The following CCDC88A variants were observed in gnomAD, a reference collection of about 807,000 sequenced individuals.
CCDC88A encodes the protein coiled-coil and HOOK domain protein 88A, also known as girdin.
A neutral mutation model predicts 234.3 loss-of-function variants in CCDC88A; 54 were observed. The observed-to-expected ratio is 0.23, with a 90% confidence interval of 0.19 to 0.29. The LOEUF is 0.29. Ranked by LOEUF, CCDC88A falls within the 10% of genes least tolerant of loss-of-function variation. The probability of loss-of-function intolerance (pLI) is 1.00; values close to 1 mark genes in which losing one functional copy is unlikely to be tolerated. For synonymous variants in CCDC88A, 753 were observed against 737.8 expected (o/e 1.02, Z -0.33); for missense variants, 1,832 against 2,123.4 (o/e 0.86, Z 2.70).
rs1223133669 is a variant in CCDC88A at position 55,287,887 on chromosome 2, T to TTGA, written c.*3310_*3312dup. On this transcript the variant is annotated 3_prime_UTR_variant, in exon 33 of 33. Transcript: ENST00000436346. Reference sequence around the variant, plus strand: ...TGGTTTTATTTCTTTTTATATTAGTTTGATACGTGAATGTTAGTCCAACTT... The same window carrying TTGA: ...TGGTTTTATTTCTTTTTATATTAGTTTGATGATACGTGAATGTTAGTCCAACTT... The TTGA allele has an allele frequency of 6.6e-6, 1 of 152,524 alleles. No homozygotes were observed. Among genetic ancestry groups the TTGA allele is most frequent in the Non-Finnish European group, 1.5e-5 (1 of 68,040 alleles). 9.4% of individuals were successfully genotyped at this position (152,524 alleles called of 1,614,324 possible).
Position 55,328,198 on chromosome 2 carries a change from A to G in CCDC88A, c.2997+96T>C. ...AGGAAGAAATAGACTAAATATCAAT[A>G]AAATGTTTATATTTTTATTTTCTAC... On this transcript the variant is annotated intron_variant, in intron 17 of 32. Transcript: ENST00000436346. This position sits in a 1 kb window ranked among gnomAD's most constrained non-coding sequence, Gnocchi z 4.3. 1 of 967,464 alleles carries G rather than the reference A, an allele frequency of 1.0e-6. No homozygotes were observed. Among genetic ancestry groups the G allele is most frequent in the South Asian group, 1.7e-5 (1 of 59,468 alleles). 59.9% of individuals were successfully genotyped at this position (967,464 alleles called of 1,614,324 possible). A position where few individuals can be genotyped will look rare whatever the true frequency, so the allele number is the denominator to read the frequency against.
rs769364769 is a variant in CCDC88A, at chr2:55,299,925, T to G, written c.4745-6A>C. ...AAGGCTGGCTGGTCTTGAAGCTAAA[T>G]GAAAAAACCAGGAGACAGTGTGATA... On this transcript the variant is annotated splice_region_variant and splice_polypyrimidine_tract_variant and intron_variant, in intron 28 of 32. Coordinates refer to ENST00000436346, the MANE Select transcript of CCDC88A (RefSeq NM_001365480.1). 6.2e-7 allele frequency: 1 copy of G among 1,607,744 alleles called. No individual in the cohort carries two copies. The highest frequency in any genetic ancestry group is 8.5e-7 in the Non-Finnish European group (1 of 1,174,758).
At chr2:55,293,724 T>C (rs1438709862) in intron 31 of CCDC88A, 2 of 152,048 alleles carry the variant, frequency 1.3e-5, no homozygotes, top group African/African-American at 4.8e-5. Flanking sequence ...TAAATCCAAA[T>C]GGCAAAAAAC....
chr2:55,355,486 C>A, intron 8 of CCDC88A, 93 bp downstream of exon 8: 1 of 1,082,206 alleles, frequency 9.2e-7, no homozygotes, highest in Non-Finnish European at 1.4e-6. Flanking sequence ...AACACTGACA[C>A]AAGCTAGCAA....
At chr2:55,402,897 T>C (rs1321512821) in intron 2 of CCDC88A, among the ~76,000 whole-genome samples, 1 of 151,794 alleles carries the variant, frequency 6.6e-6, no homozygotes, top group Non-Finnish European at 1.5e-5. Flanking sequence ...TAGTCCCAGT[T>C]ACTAGGGAGG....
At chr2:55,389,814 G>A (rs1316142485) in intron 2 of CCDC88A, among the ~76,000 whole-genome samples, 2 of 151,854 alleles carry the variant, frequency 1.3e-5, no homozygotes, top group Non-Finnish European at 2.9e-5. Flanking sequence ...GCCCAGGCTG[G>A]TGGATCACCT....
intron 8 of CCDC88A, among the ~76,000 whole-genome samples, chr2:55,354,425 C>T (rs1441092447): frequency 6.6e-6 from 1 of 152,116 alleles, no homozygotes; most frequent in African/African-American, 2.4e-5. Flanking sequence ...GCCACTGCAC[C>T]AGCCATGTTT....
chr2:55,303,604 C>T lies in CCDC88A; in HGVS notation c.4388-452G>A, dbSNP rs182267573. 7.2e-3 allele frequency among the ~76,000 whole-genome samples: 1,098 copies of T among 152,240 alleles called. 20 individuals are homozygous for T. Among genetic ancestry groups the T allele is most frequent in the African/African-American group, 0.025 (1,042 of 41,530 alleles). On this transcript the variant is annotated intron_variant, in intron 25 of 32. Transcript: ENST00000436346. ...CCATGTTGGTCAGGCTGGTCTCGCA[C>T]TCCCAACCTCAGGTGATCCGCCCAC...
intron 29 of CCDC88A, among the ~76,000 whole-genome samples, chr2:55,297,399 A>AT (rs1680314338): frequency 4.5e-5 from 1 of 22,020 alleles, no homozygotes; most frequent in African/African-American, 8.5e-5. Context: ...ATTATATATA[A>AT]ATATACATAT....
intron 31 of CCDC88A, 66 bp downstream of exon 31, chr2:55,295,531 A>C (rs1164151961): frequency 6.2e-7 from 1 of 1,613,572 alleles, no homozygotes; most frequent in Non-Finnish European, 8.5e-7. Flanking sequence ...TTTTGGGCAC[A>C]AGAACCTATA....
chr2:55,408,425 A>G (rs947591377), intron 2 of CCDC88A, among the ~76,000 whole-genome samples: 3 of 152,112 alleles, frequency 2.0e-5, no homozygotes, highest in East Asian at 1.9e-4. Flanking sequence ...AGGTTGAGAT[A>G]AGAGGTTGGC....
intron 5 of CCDC88A, among the ~76,000 whole-genome samples, chr2:55,366,261 C>T (rs1316899970): frequency 6.6e-6 from 1 of 152,094 alleles, no homozygotes; most frequent in African/African-American, 2.4e-5. Flanking sequence ...CGTGATGGCT[C>T]AAGCCTGTAA....
At chr2:55,326,900 AAC>A (rs1290361075) in intron 17 of CCDC88A, among the ~76,000 whole-genome samples, 1 of 152,184 alleles carries the variant, frequency 6.6e-6, no homozygotes, top group African/African-American at 2.4e-5. Context: ...ATCTACTTGA[AAC>A]ACACGTATGC....
chr2:55,361,334 G>C (rs775858353), intron 7 of CCDC88A, among the ~76,000 whole-genome samples: 1 of 152,098 alleles, frequency 6.6e-6, no homozygotes, highest in Non-Finnish European at 1.5e-5. Context: ...ATGCATAGTA[G>C]GAATGTTTTC....
intron 25 of CCDC88A, among the ~76,000 whole-genome samples, chr2:55,304,950 TAGAG>T (rs1361289625): frequency 1.3e-5 from 2 of 152,242 alleles, no homozygotes; most frequent in African/African-American, 2.4e-5. Flanking sequence ...TATCATTTAT[TAGAG>T]AGAGTGCAAT....
chr2:55,322,223 C>A (rs1054173996), intron 18 of CCDC88A, among the ~76,000 whole-genome samples: 2 of 152,036 alleles, frequency 1.3e-5, no homozygotes, highest in African/African-American at 4.8e-5. Flanking sequence ...AGCAGTGGAA[C>A]AATAGTGAAT....
chr2:55,302,487 G>C (rs1204566106), intron 26 of CCDC88A, among the ~76,000 whole-genome samples: 2 of 152,074 alleles, frequency 1.3e-5, no homozygotes, highest in East Asian at 3.8e-4. Context: ...GGTCAGAGCA[G>C]GTTACTGAAG....
intron 10 of CCDC88A, chr2:55,345,581 G>C (rs1669006034): frequency 6.6e-6 from 1 of 152,382 alleles, no homozygotes; most frequent in African/African-American, 2.4e-5. Context: ...ATTTTTAATA[G>C]AGACGGGGTT....
At chr2:55,395,277 G>A (rs1677340299) in intron 2 of CCDC88A, among the ~76,000 whole-genome samples, 1 of 152,142 alleles carries the variant, frequency 6.6e-6, no homozygotes, top group Non-Finnish European at 1.5e-5. Context: ...AGCACACCTG[G>A]CATATCCAAT....
Sources: allele counts gnomAD v4.1 joint callset (sites outside exome capture counted in the v4.1 genomes callset), GRCh38; gene constraint gnomAD v4.1.1; non-coding constraint Gnocchi (gnomAD v3.1); transcripts MANE v1.5; gene names NCBI Gene and HGNC (gene_info 2026-07-23, HGNC 2026-07-21).